Variants in NT5DC1 observed in about 807,000 individuals in gnomAD.
The protein encoded by NT5DC1 is 5'-nucleotidase domain-containing protein 1.
A neutral mutation model predicts 59.4 loss-of-function variants in NT5DC1; 42 were observed. That is an observed-to-expected ratio of 0.71 (90% CI 0.55 to 0.92). NT5DC1 has a LOEUF of 0.92. Ranked by LOEUF, NT5DC1 falls within the 40% of genes least tolerant of loss-of-function variation. The pLI, the probability that NT5DC1 is intolerant of heterozygous loss-of-function variation, is 0.00. For synonymous variants in NT5DC1, 172 were observed against 188.1 expected, an observed-to-expected ratio of 0.91 and a Z score of 0.70; for missense variants, 501 against 537.1, an observed-to-expected ratio of 0.93 and a Z score of 0.66.
At chr6:116,231,923 A>G (rs1052936102) in intron 8 of NT5DC1, among the ~76,000 whole-genome samples, 1 of 152,232 alleles carries the variant, frequency 6.6e-6, no homozygotes, top group Non-Finnish European at 1.5e-5. Flanking sequence ...TATTAGTATT[A>G]TATTAGTTTG....
intron 6 of NT5DC1, chr6:116,120,451 A>G (rs1347248333): frequency 6.2e-7 from 1 of 1,614,158 alleles, no homozygotes; most frequent in Non-Finnish European, 8.5e-7. Context: ...AGAGAATAAC[A>G]GTAAAAGCAG....
chr6:116,206,304 G>A (rs573927338), intron 6 of NT5DC1, among the ~76,000 whole-genome samples: 1 of 152,080 alleles, frequency 6.6e-6, no homozygotes, highest in East Asian at 1.9e-4. Flanking sequence ...GTAAAGCATT[G>A]TGCTAAATGT....
intron 6 of NT5DC1, among the ~76,000 whole-genome samples, chr6:116,164,751 G>T (rs1440616384): frequency 2.6e-5 from 4 of 152,102 alleles, no homozygotes; most frequent in African/African-American, 9.7e-5. Context: ...TACTGGTCTA[G>T]TGGTGACAAA....
At chr6:116,117,447 G>T (rs760399809) in intron 5 of NT5DC1, among the ~76,000 whole-genome samples, 4 of 152,092 alleles carry the variant, frequency 2.6e-5, no homozygotes, top group African/African-American at 7.2e-5. Flanking sequence ...TTATGATGGG[G>T]TTTTTTCCTG....
intron 6 of NT5DC1, among the ~76,000 whole-genome samples, chr6:116,220,122 C>CTTTTTTTTTTTTTTTTTTTT (rs60827021): frequency 3.0e-5 from 3 of 98,646 alleles, no homozygotes; most frequent in African/African-American, 8.7e-5. Context: ...GCTGTTTAAC[C>CTTTTTTTTTTTTTTTTTTTT]TTTTTTTTTT....
At chr6:116,206,692 G>T (rs1264287300) in intron 6 of NT5DC1, among the ~76,000 whole-genome samples, 1 of 151,938 alleles carries the variant, frequency 6.6e-6, no homozygotes, top group Non-Finnish European at 1.5e-5. Context: ...GATTTAATTT[G>T]CTGGCATGAG....
intron 6 of NT5DC1, among the ~76,000 whole-genome samples, chr6:116,122,758 T>G (rs1356854363): frequency 6.6e-6 from 1 of 152,178 alleles, no homozygotes; most frequent in East Asian, 1.9e-4. Context: ...TGTATATAAA[T>G]GCAGAGCGAA....
chr6:116,244,018 C>G lies in NT5DC1; in HGVS notation c.1362C>G (p.Ser454=). 3 of 1,325,956 alleles carry G rather than the reference C, an allele frequency of 2.3e-6. No individual in the cohort carries two copies. The highest frequency in any genetic ancestry group is 2.5e-5 in the South Asian group (2 of 78,992). The allele number at this position is 1,325,956 out of a possible 1,614,324, so 82.1% of individuals were successfully genotyped here. The change falls in exon 12 of 12, where the codon TCC becomes TCG. Residue 454 remains serine (S), a synonymous_variant. Transcript: ENST00000319550. The part of the protein sequence containing the change: ...LVLSSDETLI[S]K ...TATCAAGTGATGAGACACTGATATC[C>G]AAATAAGTTGTCTTTACTGAAAAAT...
At chr6:116,110,786 A>G (rs1458090941) in intron 3 of NT5DC1, 64 bp from the exon 4 acceptor site, 3 of 1,141,824 alleles carry the variant, frequency 2.6e-6, no homozygotes, top group Non-Finnish European at 4.0e-6. Context: ...AACAGTCACA[A>G]TGATAGAGGA....
chr6:116,219,194 T>C (rs1781744922), intron 6 of NT5DC1, among the ~76,000 whole-genome samples: 1 of 152,164 alleles, frequency 6.6e-6, no homozygotes, highest in South Asian at 2.1e-4. Context: ...AGTGATGTCA[T>C]CAGGGACCCA....
chr6:116,243,986 C>T lies in NT5DC1; in HGVS notation c.1330C>T (p.Leu444=). Residue 444 remains leucine (L), a synonymous_variant, in exon 12 of 12, where the codon CTG becomes TTG. Transcript: ENST00000319550. ...AGCTGGCTACTATCCAAATCCTCCACTGGTCTTATCAAGTGATGAGACACT... is the reference window on the plus strand; with the variant it reads ...AGCTGGCTACTATCCAAATCCTCCATTGGTCTTATCAAGTGATGAGACACT... ...KTAGYYPNPP[L]VLSSDETLIS... is the part of the protein sequence containing the mutation. 6.4e-7 allele frequency: 1 copy of T among 1,551,168 alleles called. No individual in the cohort carries two copies. The highest frequency in any genetic ancestry group is 1.1e-5 in the South Asian group (1 of 87,590).
chr6:116,240,416 G>A (rs891690014), intron 11 of NT5DC1, among the ~76,000 whole-genome samples: 3 of 152,184 alleles, frequency 2.0e-5, no homozygotes, highest in African/African-American at 7.2e-5. Flanking sequence ...ATGAATTAAA[G>A]TATACAGGAA....
At chr6:116,236,513 G>A (rs1374024862) in intron 8 of NT5DC1, among the ~76,000 whole-genome samples, 1 of 152,162 alleles carries the variant, frequency 6.6e-6, no homozygotes, top group Non-Finnish European at 1.5e-5. Flanking sequence ...AAGCATTTGA[G>A]GCACCAAGGG....
At chr6:116,199,933 TG>T (rs2114507382) in intron 6 of NT5DC1, among the ~76,000 whole-genome samples, 1 of 150,440 alleles carries the variant, frequency 6.6e-6, no homozygotes, top group Non-Finnish European at 1.5e-5. Context: ...AGGTAGAGCA[TG>T]AATTTTTACT....
rs1782176273 is a variant in NT5DC1, at chr6:116,238,988, A to G, written c.1117A>G (p.Lys373Glu). Reference sequence around the variant, plus strand: ...AGCAAAACCTTTAAATACTTCATCTAAAAAATGGGGCTCTTTTTTTATTGA... The same window carrying G: ...AGCAAAACCTTTAAATACTTCATCTGAAAAATGGGGCTCTTTTTTTATTGA... ...PKAKPLNTSSKKWGSFFIDSV... is the reference protein window; with the variant it reads ...PKAKPLNTSSEKWGSFFIDSV... The change falls in exon 11 of 12, where the codon AAA (lysine) becomes GAA (glutamate). Residue 373 changes from lysine to glutamate, a missense_variant. Lys to Glu is a moderately conservative substitution (Grantham distance 56, BLOSUM62 1). Coordinates refer to ENST00000319550, the MANE Select transcript of NT5DC1 (RefSeq NM_152729.3). The G allele has an allele frequency of 1.2e-6, 2 of 1,606,310 alleles. No homozygotes were observed. Among genetic ancestry groups the G allele is most frequent in the African/African-American group, 1.3e-5 (1 of 74,662 alleles).
At chr6:116,131,107 G>A (rs570447120) in intron 6 of NT5DC1, among the ~76,000 whole-genome samples, 11 of 151,998 alleles carry the variant, frequency 7.2e-5, no homozygotes, top group Admixed American at 4.6e-4. Context: ...TCTGGTGTTC[G>A]GATATATGTT....
At chr6:116,143,948 G>T (rs947714571) in intron 6 of NT5DC1, among the ~76,000 whole-genome samples, 6 of 152,182 alleles carry the variant, frequency 3.9e-5, no homozygotes, top group African/African-American at 1.4e-4. Flanking sequence ...AAGAACTGAT[G>T]TGAGTAGAAT....
At chr6:116,143,108 A>G (rs1162914905) in intron 6 of NT5DC1, among the ~76,000 whole-genome samples, 1 of 152,230 alleles carries the variant, frequency 6.6e-6, no homozygotes, top group East Asian at 1.9e-4. Flanking sequence ...AAATAATATT[A>G]AAATGCCTGA....
chr6:116,140,271 A>G (rs1779734271), intron 6 of NT5DC1, among the ~76,000 whole-genome samples: 1 of 152,150 alleles, frequency 6.6e-6, no homozygotes, highest in Admixed American at 6.5e-5. Flanking sequence ...CTTACAAACT[A>G]GCTGAAATGC....
Sources: gnomAD v4.1 joint callset for allele counts (sites outside exome capture counted in the v4.1 genomes callset) on GRCh38, gnomAD v4.1.1 for gene constraint, MANE v1.5 for transcripts, NCBI Gene and HGNC (gene_info 2026-07-23, HGNC 2026-07-21) for gene names.